The following ANKRD36C variants were observed in gnomAD, a reference collection of about 807,000 sequenced individuals.
ANKRD36C encodes the protein ankyrin repeat domain 36C.
In ANKRD36C, 61 loss-of-function variants were observed where a neutral mutation model predicts 276.4. That is an observed-to-expected ratio of 0.22 (90% CI 0.18 to 0.27). The LOEUF is 0.27. Ranked by LOEUF, ANKRD36C falls within the 10% of genes least tolerant of loss-of-function variation. The pLI is 1.00. For missense variants in ANKRD36C, 1,447 were observed against 2,032.3 expected, an observed-to-expected ratio of 0.71 and a Z score of 5.54; for synonymous variants, 483 against 680.1, an observed-to-expected ratio of 0.71 and a Z score of 4.51.
intron 3 of ANKRD36C, 127 bp from the exon 4 acceptor site, chr2:95,982,489 C>A: frequency 2.6e-6 from 2 of 776,302 alleles, no homozygotes; most frequent in Non-Finnish European, 3.9e-6. Flanking sequence ...TAGTCCCTTT[C>A]TTTTCCCTCC....
chr2:95,917,916 G>A (rs1677150940), exon 36 of ANKRD36C: 6 of 1,606,832 alleles, frequency 3.7e-6, no homozygotes, highest in South Asian at 1.1e-5. Flanking sequence ...AATCTTCCTC[G>A]TCAGTTGTAG....
chr2:95,867,652 G>C lies in ANKRD36C; in HGVS notation c.3541-71C>G, dbSNP rs190511440. 209 of 1,530,780 alleles carry C rather than the reference G, an allele frequency of 1.4e-4. 1 individual carries two copies. The African/African-American group carries it at 2.7e-3, about 20-fold the overall frequency. The allele number at this position is 1,530,780 out of a possible 1,614,324, so 94.8% of individuals were successfully genotyped here. ...TAGCATATACAAAATGTACAGAAGTGGGAATTGCCCATCTGTTTATATGAG... is the reference window on the plus strand; with the variant it reads ...TAGCATATACAAAATGTACAGAAGTCGGAATTGCCCATCTGTTTATATGAG... On this transcript the variant is annotated intron_variant, in intron 59 of 66. Transcript: ENST00000456556.
intron 17 of ANKRD36C, among the ~76,000 whole-genome samples, chr2:95,946,164 A>AAAAAAAAAAAAAAAAAAAAAAT: frequency 6.7e-6 from 1 of 149,984 alleles, no homozygotes. Flanking sequence ...AGGAAAAAAA[A>AAAAAAAAAAAAAAAAAAAAAAT]AAAAAAAAAA....
rs371767078 is a variant in ANKRD36C, at chr2:95,934,136, C to T, written c.1735+1318G>A. ...TGGAGAGGATGTGGAGAAATAGGAA[C>T]GCTTTTATATTGTTGGTGGGAGTGT... On this transcript the variant is annotated intron_variant, in intron 24 of 66. Coordinates refer to ENST00000456556, the Ensembl canonical transcript of ANKRD36C. Among the ~76,000 whole-genome samples the T allele has an allele frequency of 4.6e-5, 7 of 152,254 alleles. No homozygotes were observed. In the East Asian group the frequency reaches 5.8e-4, roughly 13 times the overall value.
intron 10 of ANKRD36C, 97 bp from the exon 11 acceptor site, chr2:95,958,882 C>A (rs1678392414): frequency 8.6e-7 from 1 of 1,162,126 alleles, no homozygotes; most frequent in Admixed American, 2.4e-5. Flanking sequence ...ATCCTCCTGC[C>A]TGAATTAGCA....
At chr2:95,914,003 T>A (rs879248948) in intron 40 of ANKRD36C, 105 bp downstream of exon 42, 89 of 1,177,744 alleles carry the variant, frequency 7.6e-5, no homozygotes, top group East Asian at 1.5e-4. Flanking sequence ...AGGACTGCTG[T>A]ATCAGAATGT....
intron 62 of ANKRD36C, 50 bp downstream of exon 82, chr2:95,857,259 G>A (rs773850961): frequency 3.9e-5 from 62 of 1,570,666 alleles, no homozygotes; most frequent in Middle Eastern, 2.4e-4. Context: ...GATGGTATAA[G>A]TAATATTAAT....
intron 26 of ANKRD36C, among the ~76,000 whole-genome samples, chr2:95,928,698 C>A (rs1249391338): frequency 6.6e-6 from 1 of 151,330 alleles, no homozygotes; most frequent in African/African-American, 2.4e-5. Context: ...TCACTTTTCC[C>A]TCTGTTTATA....
intron 44 of ANKRD36C, 75 bp from the exon 65 acceptor site, chr2:95,891,935 G>A: frequency 6.5e-7 from 1 of 1,543,244 alleles, no homozygotes; most frequent in African/African-American, 1.4e-5. Flanking sequence ...TGCAGTGTTA[G>A]CATCAACCTC....
chr2:95,978,842 A>G (rs1428644423), intron 5 of ANKRD36C, among the ~76,000 whole-genome samples: 1 of 152,086 alleles, frequency 6.6e-6, no homozygotes, highest in African/African-American at 2.4e-5. Flanking sequence ...TTTCATTAAA[A>G]TAGGTAACAC....
chr2:95,851,373 T>G (rs1675288961), intron 66 of ANKRD36C, among the ~76,000 whole-genome samples, 178 bp from the exon 87 acceptor site: 1 of 152,170 alleles, frequency 6.6e-6, no homozygotes, highest in Admixed American at 6.5e-5. Context: ...ACACCACAAC[T>G]GCAACATTCC....
At chr2:95,982,351 C>T (rs775262624) in exon 4 of ANKRD36C, 48 of 1,542,640 alleles carry the variant, frequency 3.1e-5, no homozygotes, top group East Asian at 9.8e-5. Flanking sequence ...GGAACAGTGG[C>T]GGATATTCAT....
chr2:95,902,023 A>G (rs1676666645), intron 42 of ANKRD36C, among the ~76,000 whole-genome samples: 1 of 146,480 alleles, frequency 6.8e-6, no homozygotes, highest in Admixed American at 6.8e-5. Context: ...TTTAGGAGTT[A>G]GTTAGAATTC....
chr2:95,884,976 T>C (rs1676169009), intron 52 of ANKRD36C, among the ~76,000 whole-genome samples: 1 of 152,078 alleles, frequency 6.6e-6, no homozygotes, highest in African/African-American at 2.4e-5. Flanking sequence ...TTTGCCTAAG[T>C]TTCTTGTATC....
chr2:95,987,271 T>G, intron 1 of ANKRD36C, 65 bp from the exon 2 acceptor site: 5 of 1,486,124 alleles, frequency 3.4e-6, no homozygotes, highest in Non-Finnish European at 4.5e-6. Flanking sequence ...GTTATTTCTC[T>G]GTCTTCAAAA....
chr2:95,895,552 G>A lies in ANKRD36C; in HGVS notation c.2755+3593C>T, dbSNP rs538349558. On this transcript the variant is annotated intron_variant, in intron 44 of 66. Transcript: ENST00000456556. ...TTACTAGCTCACAATATAAATGAGA[G>A]TTTTATTACCTTCAAGGCTGCTTTT... is the stretch of plus-strand genomic sequence containing the variant. The A allele has an allele frequency of 2.1e-5, 32 of 1,532,274 alleles. No individual in the cohort carries two copies. In the East Asian group the frequency reaches 2.9e-4, roughly 14 times the overall value. The allele number at this position is 1,532,274 out of a possible 1,614,324, so 94.9% of individuals were successfully genotyped here.
In ANKRD36C at chr2:95,879,065, T is replaced by C. The variant is rs570510082; in HGVS notation, c.3469+1362A>G. On this transcript the variant is annotated intron_variant, in intron 58 of 66. Transcript: ENST00000456556. ...CCATAATTTGGAATCAATCTAAATG[T>C]ATATCAACAGAAAAATGGGTTCTAA... Among the ~76,000 whole-genome samples the C allele has an allele frequency of 3.9e-5, 6 of 152,320 alleles. No individual in the cohort carries two copies. In the South Asian group the frequency reaches 1.2e-3, roughly 32 times the overall value.
At position 95,886,197 on chromosome 2, in the gene ANKRD36C, T is replaced by C. The variant is rs1258644083; in HGVS notation, c.3090+19A>G. 12 of 1,381,324 alleles carry C rather than the reference T, an allele frequency of 8.7e-6. No individual in the cohort carries two copies. Among genetic ancestry groups the C allele is most frequent in the Non-Finnish European group, 3.0e-6 (3 of 1,005,776 alleles). 85.6% of individuals were successfully genotyped at this position (1,381,324 alleles called of 1,614,324 possible). On this transcript the variant is annotated intron_variant, in intron 51 of 66. Coordinates refer to ENST00000456556, the Ensembl canonical transcript of ANKRD36C. ...ACTATACAGTTAATAGTTCAAAATA[T>C]ATATGAGTGTTTAATTACCTTCCAG...
At chr2:95,872,807 AG>A (rs924940100) in intron 59 of ANKRD36C, among the ~76,000 whole-genome samples, 11 of 152,210 alleles carry the variant, frequency 7.2e-5, no homozygotes, top group Admixed American at 6.5e-5. Context: ...AGAATCAAAT[AG>A]ATGCAATACA....
Sources: allele counts gnomAD v4.1 joint callset (sites outside exome capture counted in the v4.1 genomes callset), GRCh38; gene constraint gnomAD v4.1.1; transcripts MANE v1.5; gene names NCBI Gene and HGNC (gene_info 2026-07-23, HGNC 2026-07-21).